Variants in CHD1L observed in about 807,000 individuals in gnomAD.
CHD1L encodes the protein chromodomain helicase DNA binding protein 1 like, also known as ATP-dependent chromatin remodeler CHD1L.
CHD1L carries 118 observed loss-of-function variants against 115.9 expected under a neutral mutation model. The ratio of observed to expected loss-of-function variants is 1.02; its 90% CI spans 0.88 to 1.19. The LOEUF (loss-of-function observed/expected upper bound fraction) is 1.19. Among genes scored for constraint, CHD1L ranks in the 50% most tolerant of loss-of-function variants. The probability of loss-of-function intolerance (pLI) is 0.00; values close to 1 mark genes in which losing one functional copy is unlikely to be tolerated. For missense variants in CHD1L, 1,179 were observed against 1,065.3 expected, an observed-to-expected ratio of 1.11 and a Z score of -1.49; for synonymous variants, 411 against 387.1, an observed-to-expected ratio of 1.06 and a Z score of -0.72.
the CHD1L span, among the ~76,000 whole-genome samples, chr1:147,195,355 A>C: frequency 2.6e-5 from 4 of 151,884 alleles, no homozygotes; most frequent in Non-Finnish European, 5.9e-5. Context: ...CTGGTCTCGA[A>C]CTCCTGACCT....
At chr1:147,179,229 G>C in the CHD1L span, 2 of 1,613,568 alleles carry the variant, frequency 1.2e-6, no homozygotes, top group South Asian at 2.2e-5. Context: ...CTATCCCAGA[G>C]AGCAATGATG....
the CHD1L span, among the ~76,000 whole-genome samples, chr1:147,217,270 A>C: frequency 6.6e-6 from 1 of 152,012 alleles, no homozygotes; most frequent in African/African-American, 2.4e-5. Context: ...AGAAAAAAAA[A>C]CTTCCTATTA....
chr1:147,203,882 T>C, the CHD1L span: 4 of 1,578,414 alleles, frequency 2.5e-6, no homozygotes, highest in Non-Finnish European at 2.6e-6. Flanking sequence ...TTCTGAGAGG[T>C]AAACACTGTC....
chr1:147,176,530 G>A, the CHD1L span: 3 of 152,148 alleles, frequency 2.0e-5, no homozygotes, highest in Admixed American at 2.0e-4. Context: ...AATACTTGTT[G>A]AGCTTTTGCT....
At chr1:147,192,490 G>T in the CHD1L span, among the ~76,000 whole-genome samples, 4 of 152,064 alleles carry the variant, frequency 2.6e-5, no homozygotes, top group Non-Finnish European at 4.4e-5. Context: ...TTTCCTAATC[G>T]AATACCCTTT....
intron 12 of CHD1L, chr1:147,272,526 CATTGA>C: frequency 3.0e-6 from 1 of 335,018 alleles, no homozygotes; most frequent in Non-Finnish European, 5.4e-6. Context: ...CTGCTTTGAC[CATTGA>C]CCTGGGAATG....
At chr1:147,208,614 T>A in the CHD1L span, 1 of 353,792 alleles carries the variant, frequency 2.8e-6, no homozygotes. Context: ...TAATTTTGTG[T>A]TTTTAGTAGA....
At chr1:147,243,269 C>T (rs1665420731) in intron 1 of CHD1L, among the ~76,000 whole-genome samples, 1 of 152,152 alleles carries the variant, frequency 6.6e-6, no homozygotes, top group African/African-American at 2.4e-5. Flanking sequence ...TTCAGCTTCT[C>T]CGTTTACTGT....
At chr1:147,289,914 C>G (rs886936413) in intron 19 of CHD1L, among the ~76,000 whole-genome samples, 5 of 152,154 alleles carry the variant, frequency 3.3e-5, no homozygotes, top group Admixed American at 1.3e-4. Context: ...CAGGGAGATG[C>G]CATTCTGCGC....
the CHD1L span, among the ~76,000 whole-genome samples, chr1:147,180,289 T>G: frequency 1.3e-5 from 2 of 151,922 alleles, no homozygotes; most frequent in East Asian, 1.9e-4. Context: ...TTTTTGTTTG[T>G]TTGGTTTTTG....
At chr1:147,208,223 A>T in the CHD1L span, among the ~76,000 whole-genome samples, 2 of 152,160 alleles carry the variant, frequency 1.3e-5, no homozygotes, top group Non-Finnish European at 1.5e-5. Flanking sequence ...GGCTCATAAC[A>T]GGTACTCAAT....
At chr1:147,278,821 T>C (rs1303289729) in intron 14 of CHD1L, among the ~76,000 whole-genome samples, 1 of 152,128 alleles carries the variant, frequency 6.6e-6, no homozygotes, top group East Asian at 1.9e-4. Flanking sequence ...TGCCCAAGGT[T>C]ATTCAGATTT....
chr1:147,282,494 G>T (rs1423598961), intron 15 of CHD1L, among the ~76,000 whole-genome samples: 1 of 152,098 alleles, frequency 6.6e-6, no homozygotes, highest in Non-Finnish European at 1.5e-5. Flanking sequence ...CCTGTGTTTT[G>T]TTTCCATGTC....
chr1:147,189,065 G>C, the CHD1L span, among the ~76,000 whole-genome samples: 1 of 151,918 alleles, frequency 6.6e-6, no homozygotes, highest in South Asian at 2.1e-4. Flanking sequence ...CACAAGGTCA[G>C]GAGTTTGAGA....
the CHD1L span, among the ~76,000 whole-genome samples, chr1:147,194,436 A>G: frequency 6.6e-6 from 1 of 152,146 alleles, no homozygotes; most frequent in South Asian, 2.1e-4. Flanking sequence ...AATACAGCAC[A>G]CTGTTGGGTC....
chr1:147,282,720 G>C (rs948970402), intron 15 of CHD1L, among the ~76,000 whole-genome samples: 7 of 152,132 alleles, frequency 4.6e-5, no homozygotes, highest in African/African-American at 1.7e-4. Context: ...TACTGATCTA[G>C]ATAATTTCAG....
At position 147,285,361 on chromosome 1, in the gene CHD1L, G is replaced by A; in HGVS notation, c.1892G>A (p.Arg631Lys). Residue 631 changes from arginine to lysine, a missense_variant, in exon 17 of 23, where the codon AGG becomes AAG. Coordinates refer to ENST00000369258, the MANE Select transcript of CHD1L (RefSeq NM_004284.6). The stretch of plus-strand genomic sequence containing the variant: ...GGCCTTGTGGAGGGATCTACCAAAA[G>A]GAAGCGGGTTCTGAGTCCAGAAGAG... The part of the protein sequence containing the change: ...IPGLVEGSTK[R>K]KRVLSPEELE... The A allele has an allele frequency of 6.2e-7, 1 of 1,614,002 alleles. No individual in the cohort carries two copies. Among genetic ancestry groups the A allele is most frequent in the Non-Finnish European group, 8.5e-7 (1 of 1,179,980 alleles).
the CHD1L span, chr1:147,224,072 T>C: frequency 2.7e-6 from 1 of 371,026 alleles, no homozygotes; most frequent in Admixed American, 3.2e-5. Flanking sequence ...GCCTGCCCTG[T>C]GTCCCAAAAT....
rs1326936857 is a variant in CHD1L at position 147,272,177 on chromosome 1, G to GCT, written c.1167_1168dup (p.Tyr390SerfsTer9). The GCT allele has an allele frequency of 1.9e-6, 3 of 1,612,970 alleles. No individual in the cohort carries two copies. The highest frequency in any genetic ancestry group is 2.5e-6 in the Non-Finnish European group (3 of 1,179,146). On this transcript the variant is annotated frameshift_variant, in exon 12 of 23. Coordinates refer to ENST00000369258, the MANE Select transcript of CHD1L (RefSeq NM_004284.6). LOFTEE classifies it high-confidence loss of function. The stretch of plus-strand genomic sequence containing the variant: ...TTTCTTCCTCTCTGTAAAGGCTACA[G>GCT]CTATGAGCGTGTGGATGGTTCTGTG...
Sources: gnomAD v4.1 joint callset for allele counts (sites outside exome capture counted in the v4.1 genomes callset) on GRCh38, gnomAD v4.1.1 for gene constraint, MANE v1.5 for transcripts, NCBI Gene and HGNC (gene_info 2026-07-23, HGNC 2026-07-21) for gene names.